The following RSPRY1 variants were observed in gnomAD, a reference collection of about 807,000 sequenced individuals.
RSPRY1 encodes RING finger and SPRY domain-containing protein 1.
Under a neutral mutation model 73.1 loss-of-function variants are expected in RSPRY1, and 23 were observed. The ratio of observed to expected loss-of-function variants is 0.31; its 90% CI spans 0.23 to 0.45. The LOEUF is 0.45. Among genes scored for constraint, RSPRY1 ranks in the 20% least tolerant of loss-of-function variants. The pLI, the probability that RSPRY1 is intolerant of heterozygous loss-of-function variation, is 1.00. For synonymous variants in RSPRY1, 226 were observed against 251.4 expected (o/e 0.90, Z 0.95); for missense variants, 448 against 698.7 (o/e 0.64, Z 4.05).
intron 2 of RSPRY1, 128 bp from the exon 3 acceptor site, chr16:57,207,930 A>G: frequency 1.5e-6 from 1 of 669,856 alleles, no homozygotes; most frequent in Non-Finnish European, 2.7e-6. Flanking sequence ...TGTCTCTTCT[A>G]TCTCTTTCCT....
At chr16:57,208,400 A>ATTTTTT (rs1455912780) in intron 3 of RSPRY1, among the ~76,000 whole-genome samples, 2 of 50,132 alleles carry the variant, frequency 4.0e-5, no homozygotes, top group African/African-American at 1.7e-4. Flanking sequence ...ATATATATAT[A>ATTTTTT]TTTTTTTTTT....
At chr16:57,235,588 G>A (rs1396258932) in intron 14 of RSPRY1, among the ~76,000 whole-genome samples, 2 of 152,188 alleles carry the variant, frequency 1.3e-5, no homozygotes, top group South Asian at 2.1e-4. Flanking sequence ...AATTTCAGTT[G>A]TATGAGATGA....
At chr16:57,212,311 AAAG>A (rs1327216998) in intron 4 of RSPRY1, among the ~76,000 whole-genome samples, 8 of 152,204 alleles carry the variant, frequency 5.3e-5, no homozygotes, top group African/African-American at 1.7e-4. Flanking sequence ...AGCAAAAAGA[AAAG>A]AAGAAAACTC....
At chr16:57,225,073 T>C (rs1402836233) in intron 10 of RSPRY1, among the ~76,000 whole-genome samples, 2 of 150,666 alleles carry the variant, frequency 1.3e-5, no homozygotes, top group African/African-American at 4.9e-5. Flanking sequence ...TGTTTTGTTT[T>C]GTTTTGAGAC....
At chr16:57,186,195 G>A, upstream of RSPRY1, 4 of 985,186 alleles carry the variant, frequency 4.1e-6, no homozygotes, top group Non-Finnish European at 4.8e-6. Context: ...CGCCTGGAGG[G>A]CGGGCCGGTC....
chr16:57,224,955 T>C (rs1403760586), intron 10 of RSPRY1, among the ~76,000 whole-genome samples: 6 of 152,282 alleles, frequency 3.9e-5, no homozygotes, highest in East Asian at 1.9e-4. Context: ...CTTTTACTTA[T>C]GCCACAATGC....
intron 13 of RSPRY1, among the ~76,000 whole-genome samples, chr16:57,234,580 A>G (rs2075274112): frequency 1.3e-5 from 2 of 152,182 alleles, no homozygotes; most frequent in East Asian, 1.9e-4. Flanking sequence ...TCCCTTGCCC[A>G]TATATTAGGG....
rs751136149 is a variant in RSPRY1, at chr16:57,231,158, T to C, written c.1377-9T>C. On this transcript the variant is annotated splice_polypyrimidine_tract_variant and intron_variant, in intron 12 of 14. Coordinates refer to ENST00000394420, the MANE Select transcript of RSPRY1 (RefSeq NM_133368.3). ...ATTCTATTGGCCTCTGTACTCATTTTATTTGTAGATCTGGATTTTTTGCTG... is the reference window on the plus strand; with the variant it reads ...ATTCTATTGGCCTCTGTACTCATTTCATTTGTAGATCTGGATTTTTTGCTG... The C allele has an allele frequency of 2.5e-6, 4 of 1,612,036 alleles. No homozygotes were observed. In the East Asian group the frequency reaches 8.9e-5, roughly 36 times the overall value.
chr16:57,189,380 TTTTCA>T (rs1326013445), intron 1 of RSPRY1, among the ~76,000 whole-genome samples: 1 of 152,054 alleles, frequency 6.6e-6, no homozygotes, highest in African/African-American at 2.4e-5. Context: ...GCAAAATAAC[TTTTCA>T]TTTAGTAAGT....
chr16:57,212,689 A>C (rs2074866695), intron 4 of RSPRY1, among the ~76,000 whole-genome samples: 2 of 152,100 alleles, frequency 1.3e-5, no homozygotes, highest in Admixed American at 1.3e-4. Context: ...ATCTCGGCTC[A>C]CTGCAACCTC....
At position 57,188,697 on chromosome 16, in the gene RSPRY1, G is replaced by A. The variant is rs2074296142; in HGVS notation, c.-156+2246G>A. On this transcript the variant is annotated intron_variant, in intron 1 of 14. Transcript: ENST00000394420. ...ACGCCCAGCTAATTTTGTATTTTTA[G>A]TAGAGACGAGGTTTCTCCGTGTTGG... 2.0e-5 allele frequency among the ~76,000 whole-genome samples: 3 copies of A among 151,948 alleles called. No homozygotes were observed. The South Asian group carries it at 6.2e-4, about 32-fold the overall frequency.
At chr16:57,199,361 G>C (rs569031997) in intron 1 of RSPRY1, among the ~76,000 whole-genome samples, 4 of 152,074 alleles carry the variant, frequency 2.6e-5, no homozygotes, top group Non-Finnish European at 4.4e-5. Flanking sequence ...GCATGGTGGC[G>C]TGCGCCTGTA....
chr16:57,239,457 TGAATCTATAAAAATTA>T lies in RSPRY1; in HGVS notation c.*488_*503del, dbSNP rs2075347901. ...AGCATGGATATTGCATTGCAAGACT[TGAATCTATAAAAATTA>T]GAATCACACAGTCAGTACTACAAGC... On this transcript the variant is annotated 3_prime_UTR_variant, in exon 15 of 15. Coordinates refer to ENST00000394420, the MANE Select transcript of RSPRY1 (RefSeq NM_133368.3). 6.6e-6 allele frequency: 1 copy of T among 152,196 alleles called. No individual in the cohort carries two copies. The highest frequency in any genetic ancestry group is 1.5e-5 in the Non-Finnish European group (1 of 68,046). 9.4% of individuals were successfully genotyped at this position (152,196 alleles called of 1,614,324 possible). A position where few individuals can be genotyped will look rare whatever the true frequency, so the allele number is the denominator to read the frequency against.
intron 7 of RSPRY1, 190 bp downstream of exon 7, chr16:57,216,363 A>G: frequency 1.9e-6 from 1 of 516,144 alleles, no homozygotes; most frequent in East Asian, 3.2e-5. Flanking sequence ...CTCACCTAAG[A>G]ATCAAAACTT....
intron 8 of RSPRY1, chr16:57,219,536 A>G (rs1312080911): frequency 6.6e-6 from 1 of 151,840 alleles, no homozygotes; most frequent in Admixed American, 6.6e-5. Context: ...GACTTATATG[A>G]CCTCCTTATA....
At chr16:57,231,403 T>A (rs2075218193) in intron 13 of RSPRY1, 84 bp downstream of exon 13, 1 of 1,340,742 alleles carries the variant, frequency 7.5e-7, no homozygotes, top group Non-Finnish European at 1.0e-6. Flanking sequence ...GTTAAAAGAA[T>A]ATAACAAATA....
intron 2 of RSPRY1, chr16:57,207,483 G>T: frequency 2.4e-6 from 1 of 415,794 alleles, no homozygotes; most frequent in Non-Finnish European, 4.9e-6. Flanking sequence ...GAATTAAGGT[G>T]TATAATGCCA....
rs775579081 is a variant in RSPRY1 at position 57,230,704 on chromosome 16, C to T, written c.1274-7C>T. ...TTATCCTAACAGTGTTTCTCTTTAT[C>T]CTCTAGGAGATACAGTAGGATTTCT... On this transcript the variant is annotated splice_polypyrimidine_tract_variant and splice_region_variant and intron_variant, in intron 11 of 14. Coordinates refer to ENST00000394420, the MANE Select transcript of RSPRY1 (RefSeq NM_133368.3). 35 of 1,485,866 alleles carry T rather than the reference C, an allele frequency of 2.4e-5. 1 individual carries two copies. The South Asian group carries it at 3.8e-4, about 16-fold the overall frequency. The allele number at this position is 1,485,866 out of a possible 1,614,324, so 92.0% of individuals were successfully genotyped here. A position where few individuals can be genotyped will look rare whatever the true frequency, so the allele number is the denominator to read the frequency against.
chr16:57,199,563 GGTTA>G (rs767481595), intron 1 of RSPRY1, among the ~76,000 whole-genome samples: 4 of 152,180 alleles, frequency 2.6e-5, no homozygotes, highest in South Asian at 2.1e-4. Context: ...GCTTTTAAGA[GGTTA>G]GTTATCTCTG....
Sources: allele counts gnomAD v4.1 joint callset (sites outside exome capture counted in the v4.1 genomes callset), GRCh38; gene constraint gnomAD v4.1.1; transcripts MANE v1.5; gene names NCBI Gene and HGNC (gene_info 2026-07-23, HGNC 2026-07-21).